PGBD2: variants seen among roughly 807,000 people sequenced by gnomAD.
PGBD2 encodes the protein piggyBac transposable element derived 2, also known as piggyBac transposable element-derived protein 2.
In PGBD2, 6 loss-of-function variants were observed where a neutral mutation model predicts 8.1. That is an observed-to-expected ratio of 0.74 (90% confidence interval 0.40 to 1.46). The LOEUF is 1.46. Among genes scored for constraint, PGBD2 ranks in the 40% most tolerant of loss-of-function variants. The pLI is 0.02. For missense variants in PGBD2, 802 were observed against 739.0 expected, an observed-to-expected ratio of 1.09 and a Z score of -0.99; for synonymous variants, 318 against 272.2, an observed-to-expected ratio of 1.17 and a Z score of -1.66.
At chr1:248,874,234 G>A in the PGBD2 span, among the ~76,000 whole-genome samples, 11,956 of 152,236 alleles carry the variant, frequency 0.079, 605 homozygotes, top group East Asian at 0.21. Flanking sequence ...ATTGCTAAAT[G>A]ACGCATCATG....
At chr1:248,880,927 C>T in the PGBD2 span, among the ~76,000 whole-genome samples, 2 of 152,068 alleles carry the variant, frequency 1.3e-5, no homozygotes, top group Admixed American at 1.3e-4. Context: ...GTTCCCTAGT[C>T]ATTATTTAGC....
Position 248,918,092 on chromosome 1 carries a change from G to C in PGBD2, c.1508G>C (p.Arg503Thr). ...AALNNAWQLH[R>T]ICCQDAQVDL... is the part of the protein sequence containing the mutation. ...CTCAACAATGCATGGCAGCTGCATAGAATCTGCTGCCAAGATGCCCAGGTG... is the reference window on the plus strand; with the variant it reads ...CTCAACAATGCATGGCAGCTGCATACAATCTGCTGCCAAGATGCCCAGGTG... Residue 503 changes from arginine to threonine, a missense_variant, in exon 3 of 3, where the codon AGA (arginine) becomes ACA (threonine). Transcript: ENST00000329291. 1 of 1,614,242 alleles carries C rather than the reference G, an allele frequency of 6.2e-7. No homozygotes were observed. Among genetic ancestry groups the C allele is most frequent in the Non-Finnish European group, 8.5e-7 (1 of 1,180,036 alleles).
downstream of PGBD2, among the ~76,000 whole-genome samples, chr1:248,924,332 C>T (rs1662344376): frequency 6.6e-6 from 1 of 152,228 alleles, no homozygotes; most frequent in Non-Finnish European, 1.5e-5. Flanking sequence ...GTGTGTAATT[C>T]ACTGTAGCCC....
At chr1:248,881,669 C>A in the PGBD2 span, among the ~76,000 whole-genome samples, 1 of 152,176 alleles carries the variant, frequency 6.6e-6, no homozygotes, top group Admixed American at 6.5e-5. Flanking sequence ...AATAGTTAAT[C>A]TATAGCTCCT....
chr1:248,909,139 T>G (rs1338665184), intron 1 of PGBD2, among the ~76,000 whole-genome samples: 1 of 152,194 alleles, frequency 6.6e-6, no homozygotes, highest in East Asian at 1.9e-4. Flanking sequence ...TTGCTTGGTA[T>G]GTAGGAGCAC....
the PGBD2 span, among the ~76,000 whole-genome samples, chr1:248,897,030 T>G: frequency 2.6e-3 from 392 of 152,286 alleles, 1 homozygote; most frequent in Non-Finnish European, 4.0e-3. Flanking sequence ...GAAGCAAAAT[T>G]TATTCAAAGA....
intron 1 of PGBD2, 144 bp downstream of exon 1, chr1:248,906,486 A>G (rs903287688): frequency 2.0e-5 from 3 of 151,366 alleles, no homozygotes; most frequent in Non-Finnish European, 4.4e-5. Context: ...CGGGACCAGG[A>G]CAGGAACAAT....
At chr1:248,925,456 T>C in the PGBD2 span, among the ~76,000 whole-genome samples, 4 of 152,326 alleles carry the variant, frequency 2.6e-5, no homozygotes, top group East Asian at 7.7e-4. Context: ...ACTCCCTTTA[T>C]GGTCCTCACT....
the PGBD2 span, among the ~76,000 whole-genome samples, chr1:248,880,369 GT>G: frequency 6.6e-6 from 1 of 152,238 alleles, no homozygotes; most frequent in East Asian, 1.9e-4. Flanking sequence ...CAGATGCTTA[GT>G]GGTTAGGGCT....
chr1:248,882,288 T>C, the PGBD2 span, among the ~76,000 whole-genome samples: 1 of 152,166 alleles, frequency 6.6e-6, no homozygotes, highest in Admixed American at 6.5e-5. Context: ...GATTATGAGG[T>C]TAGATGGTCA....
At chr1:248,924,917 C>G (rs1662353746), downstream of PGBD2, among the ~76,000 whole-genome samples, 2 of 152,118 alleles carry the variant, frequency 1.3e-5, no homozygotes, top group African/African-American at 4.8e-5. Flanking sequence ...CTAGTGGATT[C>G]TGGCAGGCAC....
intron 2 of PGBD2, among the ~76,000 whole-genome samples, chr1:248,914,788 G>A (rs577393414): frequency 3.3e-4 from 51 of 152,334 alleles, no homozygotes; most frequent in Non-Finnish European, 6.2e-4. Flanking sequence ...GGCTACGTAT[G>A]GCAGCTGAAC....
chr1:248,896,991 T>G, the PGBD2 span, among the ~76,000 whole-genome samples: 2 of 152,236 alleles, frequency 1.3e-5, no homozygotes, highest in African/African-American at 4.8e-5. Context: ...CCTCCCCATT[T>G]AATTAGGAAT....
rs1302708577 is a variant in PGBD2 at position 248,918,371 on chromosome 1, A to G, written c.*8A>G. The G allele has an allele frequency of 6.5e-7, 1 of 1,527,948 alleles. No individual in the cohort carries two copies. The highest frequency in any genetic ancestry group is 2.3e-5 in the East Asian group (1 of 44,170). The allele number at this position is 1,527,948 out of a possible 1,614,324, so 94.6% of individuals were successfully genotyped here. ...GAGTACCACATCCGGTGACATCATG[A>G]GACATGCTTCTTTGGTTTATAATGA... is the stretch of plus-strand genomic sequence containing the variant. On this transcript the variant is annotated 3_prime_UTR_variant, in exon 3 of 3. Coordinates refer to ENST00000329291, the MANE Select transcript of PGBD2 (RefSeq NM_170725.3).
At chr1:248,891,737 T>C in the PGBD2 span, among the ~76,000 whole-genome samples, 717 of 152,258 alleles carry the variant, frequency 4.7e-3, 4 homozygotes, top group African/African-American at 0.016. Context: ...AGCGGGAAGA[T>C]GGCTTGAGCC....
the PGBD2 span, among the ~76,000 whole-genome samples, chr1:248,884,088 T>G: frequency 6.6e-6 from 1 of 152,196 alleles, no homozygotes; most frequent in African/African-American, 2.4e-5. Flanking sequence ...ATTTAATCCA[T>G]CTGGAATTAA....
chr1:248,926,495 C>G, the PGBD2 span, among the ~76,000 whole-genome samples: 5 of 152,184 alleles, frequency 3.3e-5, no homozygotes, highest in Non-Finnish European at 5.9e-5. Flanking sequence ...CTACGTCCTT[C>G]ACTGCATGAT....
At chr1:248,873,922 C>G in the PGBD2 span, among the ~76,000 whole-genome samples, 1 of 152,224 alleles carries the variant, frequency 6.6e-6, no homozygotes. Flanking sequence ...GCTTTCTGGT[C>G]TCCGGATGGA....
chr1:248,926,959 C>T, the PGBD2 span, among the ~76,000 whole-genome samples: 5 of 152,296 alleles, frequency 3.3e-5, no homozygotes, highest in Admixed American at 6.5e-5. Context: ...GCATACTGGA[C>T]AAATGTCTCA....
Sources: allele counts gnomAD v4.1 joint callset (sites outside exome capture counted in the v4.1 genomes callset), GRCh38; gene constraint gnomAD v4.1.1; transcripts MANE v1.5; gene names NCBI Gene and HGNC (gene_info 2026-07-23, HGNC 2026-07-21).